FAF1: variants seen among roughly 807,000 people sequenced by gnomAD.
The protein encoded by FAF1 is FAS-associated factor 1.
In FAF1, 25 loss-of-function variants were observed where a neutral mutation model predicts 92.5. The ratio of observed to expected loss-of-function variants is 0.27; its 90% CI spans 0.20 to 0.38. The LOEUF (loss-of-function observed/expected upper bound fraction) is 0.38. FAF1 is among the 10% of genes least tolerant of loss of function. The pLI, the probability that FAF1 is intolerant of heterozygous loss-of-function variation, is 1.00. For synonymous variants in FAF1, 234 were observed against 273.2 expected (o/e 0.86, Z 1.42); for missense variants, 636 against 793.3 (o/e 0.80, Z 2.38).
chr1:50,561,540 A>G (rs953207722), intron 13 of FAF1, among the ~76,000 whole-genome samples: 2 of 152,124 alleles, frequency 1.3e-5, no homozygotes, highest in African/African-American at 4.8e-5. Context: ...TTTAAAAGGT[A>G]GTTGTGGCCG....
At chr1:50,952,464 C>G (rs1225258798) in intron 1 of FAF1, among the ~76,000 whole-genome samples, 3 of 152,228 alleles carry the variant, frequency 2.0e-5, no homozygotes, top group Non-Finnish European at 4.4e-5. Flanking sequence ...GCTACAACCT[C>G]CACCTCCCAG....
At chr1:50,729,058 A>ATTTTT (rs1195852048) in intron 6 of FAF1, among the ~76,000 whole-genome samples, 4,083 of 70,120 alleles carry the variant, frequency 0.058, 163 homozygotes, top group Non-Finnish European at 0.078. Flanking sequence ...ATATATATAT[A>ATTTTT]TTTTTTTTTT....
At chr1:50,945,708 G>C (rs1423365405) in intron 1 of FAF1, among the ~76,000 whole-genome samples, 1 of 152,136 alleles carries the variant, frequency 6.6e-6, no homozygotes, top group African/African-American at 2.4e-5. Context: ...GCTTTAACAA[G>C]AGCTATCTTT....
At chr1:50,816,205 CTTTTTTT>C (rs1167616418) in intron 2 of FAF1, among the ~76,000 whole-genome samples, 1 of 106,684 alleles carries the variant, frequency 9.4e-6, no homozygotes, top group South Asian at 3.1e-4. Context: ...TTTCCTTTTT[CTTTTTTT>C]TTTTTTTTTT....
In FAF1 at chr1:50,439,323, T is replaced by C. The variant is rs1008734062; in HGVS notation, c.*2117A>G. 2.0e-5 allele frequency: 3 copies of C among 152,202 alleles called. No individual in the cohort carries two copies. The highest frequency in any genetic ancestry group is 4.4e-5 in the Non-Finnish European group (3 of 68,040). The allele number at this position is 152,202 out of a possible 1,614,324, so 9.4% of individuals were successfully genotyped here. On this transcript the variant is annotated 3_prime_UTR_variant, in exon 19 of 19. Coordinates refer to ENST00000396153, the MANE Select transcript of FAF1 (RefSeq NM_007051.3). ...AGACCATCATGTCCTGAGTGAACAG[T>C]GACAATTAGCTGAGGCCTTTCCCAG...
At chr1:50,879,176 C>T (rs373086243) in intron 1 of FAF1, among the ~76,000 whole-genome samples, 2 of 152,106 alleles carry the variant, frequency 1.3e-5, no homozygotes, top group Non-Finnish European at 2.9e-5. Context: ...ACCCGGGAGG[C>T]GGAGTCTACA....
At chr1:50,636,538 T>C (rs988270521) in intron 8 of FAF1, among the ~76,000 whole-genome samples, 1 of 151,970 alleles carries the variant, frequency 6.6e-6, no homozygotes, top group Admixed American at 6.6e-5. Context: ...ATACTTTTAG[T>C]AGAGAGGGGA....
At chr1:50,545,773 A>T (rs981689656) in intron 13 of FAF1, among the ~76,000 whole-genome samples, 1 of 152,230 alleles carries the variant, frequency 6.6e-6, no homozygotes, top group African/African-American at 2.4e-5. Context: ...ACATACTCTT[A>T]AACAAGCATT....
At chr1:50,576,783 T>C (rs1407061615) in intron 12 of FAF1, among the ~76,000 whole-genome samples, 4 of 151,682 alleles carry the variant, frequency 2.6e-5, no homozygotes, top group South Asian at 4.1e-4. Flanking sequence ...ACTGGGACCA[T>C]AAGCACATGC....
chr1:50,654,978 T>TG (rs1655039237), intron 8 of FAF1, among the ~76,000 whole-genome samples: 1 of 150,388 alleles, frequency 6.6e-6, no homozygotes, highest in Non-Finnish European at 1.5e-5. Flanking sequence ...TTTCTTTTTT[T>TG]TTTTTTTTTG....
chr1:50,600,956 T>A (rs1270729580), intron 8 of FAF1, among the ~76,000 whole-genome samples: 2 of 152,214 alleles, frequency 1.3e-5, no homozygotes, highest in Admixed American at 1.3e-4. Flanking sequence ...ATAATCCACA[T>A]AAACAAAAGC....
At chr1:50,860,122 T>A (rs1443555252) in intron 1 of FAF1, among the ~76,000 whole-genome samples, 3 of 151,788 alleles carry the variant, frequency 2.0e-5, no homozygotes, top group Non-Finnish European at 4.4e-5. Flanking sequence ...GGATTAAAGA[T>A]TTAAATGTAA....
intron 1 of FAF1, among the ~76,000 whole-genome samples, chr1:50,891,822 G>A (rs964723282): frequency 6.6e-6 from 1 of 152,214 alleles, no homozygotes; most frequent in African/African-American, 2.4e-5. Flanking sequence ...CACTTGAGGA[G>A]GCAGTCTGTC....
intron 13 of FAF1, among the ~76,000 whole-genome samples, chr1:50,542,962 T>C (rs1005746850): frequency 1.3e-5 from 2 of 152,226 alleles, no homozygotes; most frequent in Non-Finnish European, 2.9e-5. Context: ...TATACTTTTA[T>C]ATTTTCCAGT....
In FAF1 at chr1:50,539,460, CA is replaced by C. The variant is rs1428409689; in HGVS notation, c.1405+131del. ...TTATAGCACCTATATTTTTTGAAGA[CA>C]TTTTTCAGGATATTCTATATTTTCA... On this transcript the variant is annotated intron_variant, in intron 14 of 18. Transcript: ENST00000396153. The C allele has an allele frequency of 1.7e-5, 10 of 572,768 alleles. No homozygotes were observed. The East Asian group carries it at 2.6e-4, about 15-fold the overall frequency. 35.5% of individuals were successfully genotyped at this position (572,768 alleles called of 1,614,324 possible). A position where few individuals can be genotyped will look rare whatever the true frequency, so the allele number is the denominator to read the frequency against.
intron 18 of FAF1, among the ~76,000 whole-genome samples, chr1:50,447,251 G>C (rs373296955): frequency 6.8e-6 from 1 of 147,544 alleles, no homozygotes; most frequent in Non-Finnish European, 1.5e-5. Context: ...TCAGCCTCCC[G>C]AGTAGCTAGG....
intron 15 of FAF1, among the ~76,000 whole-genome samples, chr1:50,529,686 G>C (rs920946153): frequency 3.3e-5 from 5 of 152,132 alleles, no homozygotes; most frequent in Non-Finnish European, 5.9e-5. Context: ...CTTGTAGCTT[G>C]AGAACATGTC....
chr1:50,900,009 T>C (rs1213214086), intron 1 of FAF1, among the ~76,000 whole-genome samples: 2 of 152,246 alleles, frequency 1.3e-5, no homozygotes, highest in Non-Finnish European at 2.9e-5. Flanking sequence ...GTGCTAGAGA[T>C]ATTTTACTTC....
chr1:50,779,991 G>GACACACACACAC (rs57528056), intron 4 of FAF1, among the ~76,000 whole-genome samples: 185 of 145,528 alleles, frequency 1.3e-3, no homozygotes, highest in African/African-American at 4.5e-3. Context: ...CAGACAGACA[G>GACACACACACAC]ACACACACAC....
Sources: gnomAD v4.1 joint callset for allele counts (sites outside exome capture counted in the v4.1 genomes callset) on GRCh38, gnomAD v4.1.1 for gene constraint, MANE v1.5 for transcripts, NCBI Gene and HGNC (gene_info 2026-07-23, HGNC 2026-07-21) for gene names.